Variants in OSBPL10 observed in about 807,000 individuals in gnomAD.
OSBPL10 encodes oxysterol-binding protein-related protein 10.
In OSBPL10, 49 loss-of-function variants were observed where a neutral mutation model predicts 81.7. The observed-to-expected ratio is 0.60, with a 90% CI of 0.48 to 0.76. OSBPL10 has a LOEUF of 0.76. OSBPL10 is among the 30% of genes least tolerant of loss of function. The pLI, the probability that OSBPL10 is intolerant of heterozygous loss-of-function variation, is 0.00. For synonymous variants in OSBPL10, 419 were observed against 383.6 expected (o/e 1.09, Z -1.08); for missense variants, 923 against 987.8 (o/e 0.93, Z 0.88).
At chr3:32,035,880 C>T (rs1383858854) in intron 2 of OSBPL10, among the ~76,000 whole-genome samples, 1 of 152,162 alleles carries the variant, frequency 6.6e-6, no homozygotes, top group Admixed American at 6.5e-5. Flanking sequence ...GCAACCATCA[C>T]TACCATCTAT....
intron 4 of OSBPL10, among the ~76,000 whole-genome samples, chr3:31,792,858 CTCTGTGTGTGTGTGTGTG>C (rs1237946391): frequency 1.5e-4 from 13 of 85,952 alleles, no homozygotes; most frequent in Admixed American, 4.9e-4. Context: ...TATCTAGGCA[CTCTGTGTGTGTGTGTGTG>C]TGTGTGTGTG....
chr3:32,024,648 C>G (rs188149315), intron 2 of OSBPL10, among the ~76,000 whole-genome samples: 2 of 151,882 alleles, frequency 1.3e-5, no homozygotes, highest in African/African-American at 4.8e-5. Context: ...CCATGCTAGG[C>G]GAATTTTTGT....
chr3:31,676,350 C>T (rs561621650), intron 8 of OSBPL10, among the ~76,000 whole-genome samples: 1 of 147,456 alleles, frequency 6.8e-6, no homozygotes, highest in Non-Finnish European at 1.5e-5. Context: ...AATGGGATCA[C>T]AAATATAAGT....
In OSBPL10 at chr3:32,064,596, A is replaced by G. The variant is rs1377015854; in HGVS notation, n.185+12800T>C. 2.1e-5 allele frequency among the ~76,000 whole-genome samples: 2 copies of G among 93,630 alleles called. 1 individual carries two copies. Among genetic ancestry groups the G allele is most frequent in the Non-Finnish European group, 5.7e-5 (2 of 34,962 alleles). 61.4% of individuals were successfully genotyped at this position (93,630 alleles called of 152,430 possible). A position where few individuals can be genotyped will look rare whatever the true frequency, so the allele number is the denominator to read the frequency against. ...TAAAGAAAAAAAAAGATGAATCAGG[A>G]GAGGAGACGATTATAAAAGTTGTTC... On this transcript the variant is annotated intron_variant and non_coding_transcript_variant, in intron 1 of 3. Transcript: ENST00000479173.
At chr3:31,664,386 A>G (rs2125497319) in intron 10 of OSBPL10, 154 bp from the exon 11 acceptor site, 1 of 688,224 alleles carries the variant, frequency 1.5e-6, no homozygotes, top group South Asian at 1.9e-5. Context: ...CCGAGAGCCT[A>G]GATTTGAACC....
intron 2 of OSBPL10, among the ~76,000 whole-genome samples, chr3:32,012,469 T>C (rs1559549157): frequency 6.6e-6 from 1 of 152,224 alleles, no homozygotes; most frequent in Non-Finnish European, 1.5e-5. Context: ...GAACAACCAG[T>C]ATCAGCCACT....
At chr3:31,835,118 T>C (rs937550186) in intron 3 of OSBPL10, among the ~76,000 whole-genome samples, 2 of 152,196 alleles carry the variant, frequency 1.3e-5, no homozygotes, top group African/African-American at 4.8e-5. Flanking sequence ...CCTTGGTATC[T>C]TAAGTAGTCA....
At chr3:31,972,704 C>T (rs191710178) in intron 1 of OSBPL10, among the ~76,000 whole-genome samples, 140 of 152,224 alleles carry the variant, frequency 9.2e-4, no homozygotes, top group Middle Eastern at 3.4e-3. Flanking sequence ...CAAGGCTGGC[C>T]GTGCAGATAA....
chr3:31,888,681 G>T (rs1387423837), intron 1 of OSBPL10, among the ~76,000 whole-genome samples: 1 of 152,200 alleles, frequency 6.6e-6, no homozygotes, highest in Non-Finnish European at 1.5e-5. Context: ...AGCACTTTGG[G>T]AGGCTGAGGT....
chr3:31,953,372 C>A (rs572053868), intron 1 of OSBPL10, among the ~76,000 whole-genome samples: 15 of 152,106 alleles, frequency 9.9e-5, no homozygotes, highest in African/African-American at 2.7e-4. Context: ...CCCACACACA[C>A]AAAGAGTGGG....
At chr3:31,860,584 G>A (rs957183372) in intron 3 of OSBPL10, among the ~76,000 whole-genome samples, 1 of 152,154 alleles carries the variant, frequency 6.6e-6, no homozygotes, top group Non-Finnish European at 1.5e-5. Flanking sequence ...CTGATGACCT[G>A]ACCCACCACA....
intron 2 of OSBPL10, among the ~76,000 whole-genome samples, chr3:32,042,255 C>A (rs1404807667): frequency 1.3e-5 from 2 of 152,184 alleles, no homozygotes; most frequent in African/African-American, 4.8e-5. Context: ...GTTAAGGACC[C>A]AGACATGGCA....
intron 2 of OSBPL10, among the ~76,000 whole-genome samples, chr3:32,007,470 C>T (rs534061892): frequency 6.6e-6 from 1 of 152,248 alleles, no homozygotes; most frequent in Admixed American, 6.5e-5. Flanking sequence ...CCAGCAGGGC[C>T]ACACTTCCTC....
intron 8 of OSBPL10, among the ~76,000 whole-genome samples, chr3:31,676,253 C>T (rs1288584947): frequency 8.7e-6 from 1 of 115,600 alleles, no homozygotes; most frequent in Admixed American, 7.8e-5. Context: ...ATTATGCCTT[C>T]TTAGTACATA....
chr3:31,940,436 A>C (rs1426101655), intron 1 of OSBPL10, among the ~76,000 whole-genome samples: 1 of 152,202 alleles, frequency 6.6e-6, no homozygotes, highest in Non-Finnish European at 1.5e-5. Context: ...GGAAATGGGC[A>C]CTGGGGAATT....
intron 1 of OSBPL10, among the ~76,000 whole-genome samples, chr3:31,945,382 A>C (rs560341952): frequency 2.9e-4 from 44 of 152,264 alleles, no homozygotes; most frequent in Non-Finnish European, 5.0e-4. Flanking sequence ...TCTGGACCGG[A>C]AGCCTCAAAA....
chr3:31,760,972 GT>G (rs199798359), intron 4 of OSBPL10, among the ~76,000 whole-genome samples: 3,342 of 146,162 alleles, frequency 0.023, 109 homozygotes, highest in East Asian at 0.085. Context: ...GAACTGCTAA[GT>G]TTTTTTTTTT....
intron 1 of OSBPL10, among the ~76,000 whole-genome samples, chr3:31,957,975 A>G (rs992024808): frequency 3.9e-5 from 6 of 152,144 alleles, no homozygotes; most frequent in Non-Finnish European, 8.8e-5. Context: ...TTAAAGTCAC[A>G]TTGTATAGAG....
chr3:31,668,781 A>C lies in OSBPL10; in HGVS notation c.1957T>G (p.Cys653Gly). 6.2e-7 allele frequency: 1 copy of C among 1,613,750 alleles called. No homozygotes were observed. The highest frequency in any genetic ancestry group is 1.3e-5 in the African/African-American group (1 of 75,056). The change falls in exon 10 of 12, where the codon TGT becomes GGT. Residue 653 changes from cysteine to glycine, a missense_variant. Coordinates refer to ENST00000396556, the MANE Select transcript of OSBPL10 (RefSeq NM_017784.5). Reference sequence around the variant, plus strand: ...CCATTCCATTCCCCATGGGCTTTACAAACAATGGTGTTGGTTGGGTTGTGC... The same window carrying C: ...CCATTCCATTCCCCATGGGCTTTACCAACAATGGTGTTGGTTGGGTTGTGC... ...VKHNPTNTIV[C>G]KAHGEWNGTL... is the part of the protein sequence containing the mutation.
Sources: gnomAD v4.1 joint callset for allele counts (sites outside exome capture counted in the v4.1 genomes callset) on GRCh38, gnomAD v4.1.1 for gene constraint, MANE v1.5 for transcripts, NCBI Gene and HGNC (gene_info 2026-07-23, HGNC 2026-07-21) for gene names.